ARSJ: variants seen among roughly 807,000 people sequenced by gnomAD.
The protein encoded by ARSJ is arylsulfatase J.
Under a neutral mutation model 35.9 loss-of-function variants are expected in ARSJ, and 26 were observed. The observed-to-expected ratio is 0.72, with a 90% confidence interval of 0.53 to 1.00. ARSJ has a LOEUF of 1.00. Ranked by LOEUF, ARSJ falls within the 50% of genes least tolerant of loss-of-function variation. ARSJ has a pLI of 0.00. For missense variants in ARSJ, 667 were observed against 723.6 expected (o/e 0.92, Z 0.90); for synonymous variants, 294 against 267.6 (o/e 1.10, Z -0.96).
In ARSJ at chr4:113,916,405, AT is replaced by A. The variant is rs370731556; in HGVS notation, c.399-12731del. Among the ~76,000 whole-genome samples the A allele has an allele frequency of 2.7e-4, 41 of 152,140 alleles. 1 individual carries two copies. The highest frequency in any genetic ancestry group is 9.4e-4 in the African/African-American group (39 of 41,540). Reference sequence around the variant, plus strand: ...GATAGCAGCACACCAATGCCACAGGATTTTTTTCTTTTTTTGGGTGGTGAGG... The same window carrying A: ...GATAGCAGCACACCAATGCCACAGGATTTTTTCTTTTTTTGGGTGGTGAGG... On this transcript the variant is annotated intron_variant, in intron 1 of 1. Transcript: ENST00000315366.
chr4:113,940,502 G>A (rs141326391), intron 1 of ARSJ, among the ~76,000 whole-genome samples: 231 of 152,134 alleles, frequency 1.5e-3, no homozygotes, highest in South Asian at 5.8e-3. Flanking sequence ...GTGGGCGGTC[G>A]GGGGAAGGAG....
intron 1 of ARSJ, among the ~76,000 whole-genome samples, chr4:113,909,853 G>T (rs746561813): frequency 3.3e-5 from 5 of 152,040 alleles, no homozygotes; most frequent in Non-Finnish European, 7.4e-5. Context: ...TCAGTAAAGC[G>T]TCTCCATTTA....
chr4:113,929,862 G>A (rs1199093987), intron 1 of ARSJ, among the ~76,000 whole-genome samples: 1 of 152,036 alleles, frequency 6.6e-6, no homozygotes, highest in East Asian at 1.9e-4. Flanking sequence ...TCCACATATG[G>A]TCAAAGGTAT....
At chr4:113,924,106 T>A (rs1367799385) in intron 1 of ARSJ, among the ~76,000 whole-genome samples, 5 of 134,836 alleles carry the variant, frequency 3.7e-5, no homozygotes, top group Admixed American at 7.6e-5. Context: ...TATATATATA[T>A]ATATATATAT....
intron 1 of ARSJ, among the ~76,000 whole-genome samples, chr4:113,905,873 G>A: frequency 6.6e-6 from 1 of 151,604 alleles, no homozygotes; most frequent in East Asian, 1.9e-4. Flanking sequence ...TCACTGTGTT[G>A]GCCAGGCTGA....
chr4:113,919,455 G>A (rs1169615419), intron 1 of ARSJ, among the ~76,000 whole-genome samples: 1 of 152,182 alleles, frequency 6.6e-6, no homozygotes, highest in Non-Finnish European at 1.5e-5. Flanking sequence ...ATGTGTTAAT[G>A]TAAATGAAAT....
chr4:113,977,988 T>G (rs1727693736), intron 1 of ARSJ, among the ~76,000 whole-genome samples: 1 of 152,240 alleles, frequency 6.6e-6, no homozygotes, highest in Admixed American at 6.5e-5. Flanking sequence ...TCTGTTTCGT[T>G]GGTTCATTTT....
At chr4:113,926,782 T>C (rs1724097649) in intron 1 of ARSJ, among the ~76,000 whole-genome samples, 1 of 152,146 alleles carries the variant, frequency 6.6e-6, no homozygotes, top group Non-Finnish European at 1.5e-5. Context: ...TGATGACCCA[T>C]AGTCAGACGT....
intron 1 of ARSJ, among the ~76,000 whole-genome samples, chr4:113,918,199 C>T (rs1253165866): frequency 6.6e-6 from 1 of 152,130 alleles, no homozygotes; most frequent in African/African-American, 2.4e-5. Flanking sequence ...CATATATCCA[C>T]GAGGCTGAAT....
In ARSJ at chr4:113,902,413, C is replaced by T. The variant is rs2099667361; in HGVS notation, c.1661G>A (p.Trp554Ter). ...PRLNGGVWGP[W>*]YKEETKKKKP... ...CTTTTTCTTGGTTTCCTCTTTATAC[C>T]ATGGTCCCCAGACCCCTCCATTGAG... The change falls in exon 2 of 2, where the codon TGG (tryptophan) becomes TAG (stop). Residue 554 changes from tryptophan to a stop codon, truncating the protein, a stop_gained. Coordinates refer to ENST00000315366, the MANE Select transcript of ARSJ (RefSeq NM_024590.4). LOFTEE classifies it low-confidence loss of function (END_TRUNC). The T allele has an allele frequency of 6.2e-7, 1 of 1,613,814 alleles. No individual in the cohort carries two copies. Among genetic ancestry groups the T allele is most frequent in the South Asian group, 1.1e-5 (1 of 91,058 alleles).
chr4:113,904,100 T>G (rs2099667984), intron 1 of ARSJ, among the ~76,000 whole-genome samples: 1 of 145,902 alleles, frequency 6.9e-6, no homozygotes, highest in African/African-American at 2.6e-5. Context: ...TTTTTTTTTT[T>G]GTATTTTTAG....
At chr4:113,911,238 C>A (rs2099670350) in intron 1 of ARSJ, among the ~76,000 whole-genome samples, 1 of 152,142 alleles carries the variant, frequency 6.6e-6, no homozygotes, top group African/African-American at 2.4e-5. Context: ...GAGATTCAGA[C>A]ATATCTTGAC....
At position 113,978,484 on chromosome 4, in the gene ARSJ, A is replaced by G; in HGVS notation, c.351T>C (p.Tyr117=). Residue 117 remains tyrosine, a synonymous_variant, in exon 1 of 2, where the codon TAT becomes TAC. Coordinates refer to ENST00000315366, the MANE Select transcript of ARSJ (RefSeq NM_024590.4). Reference sequence around the variant, plus strand: ...TGGATGGTGTGCAAATAGGCTGGACATAGTAGTTCTCCAGTTTAACTCCTT... The same window carrying G: ...TGGATGGTGTGCAAATAGGCTGGACGTAGTAGTTCTCCAGTTTAACTCCTT... ...AAEGVKLENY[Y]VQPICTPSRS... 3.1e-6 allele frequency: 5 copies of G among 1,614,112 alleles called. No homozygotes were observed. Among genetic ancestry groups the G allele is most frequent in the Non-Finnish European group, 4.2e-6 (5 of 1,179,920 alleles).
chr4:113,935,353 T>G (rs888169127), intron 1 of ARSJ, among the ~76,000 whole-genome samples: 18 of 151,864 alleles, frequency 1.2e-4, no homozygotes, highest in African/African-American at 4.3e-4. Context: ...ATAGTAAACA[T>G]TTATTGAGCA....
intron 1 of ARSJ, among the ~76,000 whole-genome samples, chr4:113,911,507 T>C (rs1200774835): frequency 6.6e-6 from 1 of 152,100 alleles, no homozygotes; most frequent in African/African-American, 2.4e-5. Flanking sequence ...GACTGAGATT[T>C]GTTACAGTGA....
rs1259620435 is a variant in ARSJ at position 113,903,849 on chromosome 4, T to TA, written c.399-175dup. On this transcript the variant is annotated intron_variant, in intron 1 of 1. Transcript: ENST00000315366. ...TGCTCTTTACTCACAAGTCTTACTC[T>TA]AATTAACTTCCTATTTAACATTTGA... is the stretch of plus-strand genomic sequence containing the variant. 1.9e-3 allele frequency among the ~76,000 whole-genome samples: 282 copies of TA among 151,822 alleles called. 4 individuals carry two copies. The highest frequency in any genetic ancestry group is 6.6e-3 in the African/African-American group (269 of 41,058).
At chr4:113,921,824 T>A (rs1327124562) in intron 1 of ARSJ, among the ~76,000 whole-genome samples, 1 of 152,150 alleles carries the variant, frequency 6.6e-6, no homozygotes, top group African/African-American at 2.4e-5. Flanking sequence ...TTCACAATAG[T>A]CACATGCAGG....
At chr4:113,921,533 C>T (rs963802934) in intron 1 of ARSJ, among the ~76,000 whole-genome samples, 1 of 152,048 alleles carries the variant, frequency 6.6e-6, no homozygotes, top group East Asian at 1.9e-4. Context: ...AACCTTTAAC[C>T]AAGGCTCTGG....
intron 1 of ARSJ, among the ~76,000 whole-genome samples, chr4:113,961,921 G>C (rs962695619): frequency 4.2e-5 from 6 of 142,074 alleles, no homozygotes; most frequent in Admixed American, 2.0e-4. Flanking sequence ...GTGTGTGTGT[G>C]TGTGTGTGTG....
Sources: allele counts gnomAD v4.1 joint callset (sites outside exome capture counted in the v4.1 genomes callset), GRCh38; gene constraint gnomAD v4.1.1; transcripts MANE v1.5; gene names NCBI Gene and HGNC (gene_info 2026-07-23, HGNC 2026-07-21).